Variants in PIKFYVE observed in about 807,000 individuals in gnomAD.
PIKFYVE encodes phosphoinositide kinase, FYVE-type zinc finger containing.
A neutral mutation model predicts 257.9 loss-of-function variants in PIKFYVE; 122 were observed. That is an observed-to-expected ratio of 0.47 (90% CI 0.41 to 0.55). The LOEUF (loss-of-function observed/expected upper bound fraction) is 0.55. PIKFYVE is among the 20% of genes least tolerant of loss of function. The pLI, the probability that PIKFYVE is intolerant of heterozygous loss-of-function variation, is 0.00. For missense variants in PIKFYVE, 2,160 were observed against 2,536.6 expected (o/e 0.85, Z 3.19); for synonymous variants, 892 against 868.9 (o/e 1.03, Z -0.47).
chr2:208,348,642 A>G (rs546752586), intron 35 of PIKFYVE, among the ~76,000 whole-genome samples: 112 of 106,056 alleles, frequency 1.1e-3, no homozygotes, highest in Non-Finnish European at 2.1e-3. Context: ...GTGTGTATCT[A>G]CCTCATTGTG....
chr2:208,293,813 G>C (rs1692623965), intron 7 of PIKFYVE, among the ~76,000 whole-genome samples: 1 of 152,000 alleles, frequency 6.6e-6, no homozygotes, highest in Non-Finnish European at 1.5e-5. Flanking sequence ...ACCATGCTTG[G>C]TCTTTAAGGT....
At position 208,326,270 on chromosome 2, in the gene PIKFYVE, C is replaced by T. The variant is rs147976705; in HGVS notation, c.3459C>T (p.Ala1153=). ...GDSQSLGRML[A]DYRARGGRIQ... is the part of the protein sequence containing the mutation. ...GCCAGAGCTTGGGTAGAATGCTGGC[C>T]GATTATCGAGCCAGAGGAGGAAGAA... The change falls in exon 20 of 42, where the codon GCC becomes GCT. Residue 1153 remains alanine (A), a synonymous_variant. Coordinates refer to ENST00000264380, the MANE Select transcript of PIKFYVE (RefSeq NM_015040.4). The T allele has an allele frequency of 6.8e-4, 1,086 of 1,593,048 alleles. 1 individual carries two copies. The highest frequency in any genetic ancestry group is 8.6e-4 in the Non-Finnish European group (1,006 of 1,169,600).
At chr2:208,338,947 T>C (rs1188963907) in intron 29 of PIKFYVE, among the ~76,000 whole-genome samples, 3 of 152,204 alleles carry the variant, frequency 2.0e-5, no homozygotes, top group African/African-American at 7.2e-5. Flanking sequence ...TTTCACAGTA[T>C]TTCATTGAAT....
Position 208,290,569 on chromosome 2 carries a change from G to A in PIKFYVE, c.911+1751G>A, listed in dbSNP as rs77702635. 8.5e-3 allele frequency among the ~76,000 whole-genome samples: 1,297 copies of A among 152,286 alleles called. 25 individuals are homozygous for A. Among genetic ancestry groups the A allele is most frequent in the African/African-American group, 0.029 (1,217 of 41,546 alleles). ...AGTTTTATCAGTTACGAGCAAGGCT[G>A]TTATAACATCTGAGTATAGGTTTTT... On this transcript the variant is annotated intron_variant, in intron 7 of 41. Coordinates refer to ENST00000264380, the MANE Select transcript of PIKFYVE (RefSeq NM_015040.4).
intron 24 of PIKFYVE, 63 bp from the exon 25 acceptor site, chr2:208,335,243 C>A: frequency 1.9e-6 from 2 of 1,062,682 alleles, no homozygotes; most frequent in Non-Finnish European, 2.9e-6. Context: ...CATCATGATA[C>A]AGCTCTATTC....
intron 15 of PIKFYVE, among the ~76,000 whole-genome samples, chr2:208,315,752 C>A (rs1695429395): frequency 6.6e-6 from 1 of 151,902 alleles, no homozygotes; most frequent in African/African-American, 2.4e-5. Flanking sequence ...CCACTCGTGG[C>A]CTGTGGGCTG....
intron 7 of PIKFYVE, among the ~76,000 whole-genome samples, chr2:208,294,308 T>A (rs1311636409): frequency 6.6e-6 from 1 of 152,228 alleles, no homozygotes; most frequent in African/African-American, 2.4e-5. Context: ...TTATCTGTTC[T>A]TGCCTGTTGT....
Position 208,271,675 on chromosome 2 carries a change from C to T in PIKFYVE, c.156C>T (p.Leu52=), listed in dbSNP as rs1215631915. The change falls in exon 2 of 42, where the codon CTC becomes CTT. Residue 52 remains leucine (L), a synonymous_variant. Transcript: ENST00000264380. ...FKSAYSSFVN[L]FRFNKERAEG... ...CAGCTTATAGTTCTTTTGTAAATCTCTTTCGTTTTAACAAAGGTAAGACTT... is the reference window on the plus strand; with the variant it reads ...CAGCTTATAGTTCTTTTGTAAATCTTTTTCGTTTTAACAAAGGTAAGACTT... The T allele has an allele frequency of 6.2e-7, 1 of 1,613,596 alleles. No homozygotes were observed. Among genetic ancestry groups the T allele is most frequent in the Non-Finnish European group, 8.5e-7 (1 of 1,179,678 alleles).
In PIKFYVE at chr2:208,354,646, G is replaced by T. The variant is rs1700046400; in HGVS notation, c.6181+1G>T. The T allele has an allele frequency of 6.2e-7, 1 of 1,609,824 alleles. No homozygotes were observed. Among genetic ancestry groups the T allele is most frequent in the Admixed American group, 1.7e-5 (1 of 59,986 alleles). On this transcript the variant is annotated splice_donor_variant, in intron 41 of 41. Coordinates refer to ENST00000264380, the MANE Select transcript of PIKFYVE (RefSeq NM_015040.4). LOFTEE classifies it high-confidence loss of function. ...TCAACAGGAATTTTAGGTGGACAAG[G>T]TGAGAATTTTTGTTTTGTTTAAATT...
At chr2:208,297,802 G>C (rs1218784598) in intron 7 of PIKFYVE, among the ~76,000 whole-genome samples, 1 of 149,790 alleles carries the variant, frequency 6.7e-6, no homozygotes, top group East Asian at 1.9e-4. Context: ...TAAATTTCTA[G>C]TTACCCTTTC....
intron 28 of PIKFYVE, 81 bp from the exon 29 acceptor site, chr2:208,338,427 T>C: frequency 7.4e-7 from 1 of 1,356,318 alleles, no homozygotes; most frequent in Admixed American, 1.7e-5. Context: ...GACCAAAAAG[T>C]TTAAGATTCA....
In PIKFYVE at chr2:208,355,547, A is replaced by G. The variant is rs1481420169; in HGVS notation, c.*242A>G. 6.7e-6 allele frequency: 3 copies of G among 446,912 alleles called. No individual in the cohort carries two copies. The highest frequency in any genetic ancestry group is 4.0e-5 in the African/African-American group (2 of 50,234). 27.7% of individuals were successfully genotyped at this position (446,912 alleles called of 1,614,324 possible). On this transcript the variant is annotated 3_prime_UTR_variant, in exon 42 of 42. Transcript: ENST00000264380. ...AGTGGCATGAAAATTTTCTTAAGCT[A>G]AAATACAGACATGTTTCAAAGGGCT...
In PIKFYVE at chr2:208,276,761, A is replaced by G; in HGVS notation, c.372A>G (p.Thr124=). 10 of 1,613,804 alleles carry G rather than the reference A, an allele frequency of 6.2e-6. No individual in the cohort carries two copies. The highest frequency in any genetic ancestry group is 8.5e-6 in the Non-Finnish European group (10 of 1,179,730). Residue 124 remains threonine (T), a synonymous_variant, in exon 4 of 42, where the codon ACA becomes ACG. Coordinates refer to ENST00000264380, the MANE Select transcript of PIKFYVE (RefSeq NM_015040.4). ...CCTTTGGAGGTCATGACCCTCGTAC[A>G]GCTGTTCAGCTTCGAAGCCTCAGCA... ...EPTFGGHDPR[T]AVQLRSLSTV... is the part of the protein sequence containing the mutation.
chr2:208,315,068 G>A, intron 14 of PIKFYVE, 125 bp from the exon 15 acceptor site: 1 of 921,746 alleles, frequency 1.1e-6, no homozygotes, highest in Admixed American at 2.0e-5. Context: ...TATTGACCTA[G>A]AAAATCTTAT....
At chr2:208,268,284 T>C (rs1688932537) in intron 1 of PIKFYVE, among the ~76,000 whole-genome samples, 1 of 152,218 alleles carries the variant, frequency 6.6e-6, no homozygotes, top group African/African-American at 2.4e-5. Context: ...TTTGTGTAGA[T>C]AACCTTTAGA....
rs1348215734 is a variant in PIKFYVE at position 208,298,611 on chromosome 2, T to C, written c.912-30T>C. The C allele has an allele frequency of 2.5e-6, 4 of 1,612,778 alleles. No homozygotes were observed. The South Asian group carries it at 4.4e-5, about 18-fold the overall frequency. ...TGTTTATTGAAGAAGAATTTACACC[T>C]GTGATTTCACTTCTTGTTTTTATTT... On this transcript the variant is annotated intron_variant, in intron 7 of 41. Transcript: ENST00000264380.
intron 10 of PIKFYVE, among the ~76,000 whole-genome samples, chr2:208,303,568 C>T (rs1052442199): frequency 2.6e-5 from 4 of 152,116 alleles, no homozygotes; most frequent in Non-Finnish European, 5.9e-5. Flanking sequence ...TCATCACAAA[C>T]GTCTTCATCC....
rs1208930840 is a variant in PIKFYVE, at chr2:208,298,732, A to C, written c.1003A>C (p.Thr335Pro). The change falls in exon 8 of 42, where the codon ACA becomes CCA. Residue 335 changes from threonine (T) to proline (P), a missense_variant. By Grantham distance (38) the Thr-to-Pro change is conservative. Coordinates refer to ENST00000264380, the MANE Select transcript of PIKFYVE (RefSeq NM_015040.4). ...ATCTGTCAGTCCCCAGGCTAACCGA[A>C]CATATGTTAGGACAGAGACCACTGA... ...ETSVSPQANRTYVRTETTEDE... is the reference protein window; with the variant it reads ...ETSVSPQANRPYVRTETTEDE... 1.9e-6 allele frequency: 3 copies of C among 1,614,192 alleles called. No homozygotes were observed. Among genetic ancestry groups the C allele is most frequent in the South Asian group, 1.1e-5 (1 of 91,084 alleles).
chr2:208,351,496 G>C (rs750226207), intron 38 of PIKFYVE, 41 bp downstream of exon 38: 29 of 1,457,140 alleles, frequency 2.0e-5, no homozygotes, highest in South Asian at 1.3e-4. Flanking sequence ...AAGTTTGGTG[G>C]CTTTTTTCAC....
Sources: gnomAD v4.1 joint callset for allele counts (sites outside exome capture counted in the v4.1 genomes callset) on GRCh38, gnomAD v4.1.1 for gene constraint, MANE v1.5 for transcripts, NCBI Gene and HGNC (gene_info 2026-07-23, HGNC 2026-07-21) for gene names.